PSD3: variants seen among roughly 807,000 people sequenced by gnomAD.
PSD3 encodes the protein PH and SEC7 domain-containing protein 3.
In PSD3, 49 loss-of-function variants were observed where a neutral mutation model predicts 105.5. That is an observed-to-expected ratio of 0.46 (90% CI 0.37 to 0.59). The LOEUF is 0.59. PSD3 is among the 20% of genes least tolerant of loss of function. The pLI, the probability that PSD3 is intolerant of heterozygous loss-of-function variation, is 0.00. For missense variants in PSD3, 1,561 were observed against 1,263.8 expected (o/e 1.24, Z -3.57); for synonymous variants, 557 against 457.8 (o/e 1.22, Z -2.77).
intron 12 of PSD3, among the ~76,000 whole-genome samples, chr8:18,592,439 G>A (rs373529120): frequency 2.5e-4 from 38 of 152,026 alleles, no homozygotes; most frequent in African/African-American, 8.9e-4. Context: ...GAAGAAAGAG[G>A]GCACAAAGCT....
chr8:18,749,122 T>C (rs1230502217), intron 9 of PSD3, among the ~76,000 whole-genome samples: 1 of 152,248 alleles, frequency 6.6e-6, no homozygotes. Context: ...TTCCTCTTAT[T>C]TCTACTTTGA....
intron 2 of PSD3, among the ~76,000 whole-genome samples, chr8:18,897,549 G>C (rs1347129800): frequency 6.6e-6 from 1 of 152,108 alleles, no homozygotes; most frequent in Non-Finnish European, 1.5e-5. Context: ...AATGACACTG[G>C]TACTTTGATA....
chr8:18,552,899 G>T (rs1024239490), intron 15 of PSD3, among the ~76,000 whole-genome samples: 3 of 152,092 alleles, frequency 2.0e-5, no homozygotes, highest in African/African-American at 7.2e-5. Flanking sequence ...AAGTAAAAGT[G>T]AACCTCTTTT....
chr8:18,620,821 A>G (rs1053684962), intron 11 of PSD3, among the ~76,000 whole-genome samples: 5 of 152,240 alleles, frequency 3.3e-5, no homozygotes, highest in African/African-American at 4.8e-5. Flanking sequence ...CCTTTAGGAA[A>G]CTAGTACGGT....
intron 1 of PSD3, among the ~76,000 whole-genome samples, chr8:19,050,119 G>C (rs1828468154): frequency 6.6e-6 from 1 of 152,162 alleles, no homozygotes; most frequent in African/African-American, 2.4e-5. Flanking sequence ...AGGTCAAGGA[G>C]GCCATGTCAG....
At chr8:18,932,254 C>A (rs1019766347) in intron 2 of PSD3, among the ~76,000 whole-genome samples, 1 of 152,170 alleles carries the variant, frequency 6.6e-6, no homozygotes, top group East Asian at 1.9e-4. Flanking sequence ...AGGCACCTGT[C>A]GTAGGCTGGG....
At chr8:18,887,155 T>C (rs889040765) in intron 2 of PSD3, 31 of 152,174 alleles carry the variant, frequency 2.0e-4, no homozygotes, top group Admixed American at 1.7e-3. Context: ...GAATGACACA[T>C]GGGAAAGAGA....
At chr8:18,930,867 CTTCAACTG>C (rs776107078) in intron 2 of PSD3, among the ~76,000 whole-genome samples, 20 of 152,158 alleles carry the variant, frequency 1.3e-4, no homozygotes, top group Non-Finnish European at 2.4e-4. Flanking sequence ...TGCGCCTGGC[CTTCAACTG>C]TTTTTAAATA....
intron 4 of PSD3, among the ~76,000 whole-genome samples, chr8:18,819,846 G>C (rs2632835): frequency 0.47 from 72,060 of 151,942 alleles, 17,469 homozygotes; most frequent in East Asian, 0.84. Context: ...CAAAGTGCTG[G>C]GTTTACAGGC....
chr8:18,760,469 T>C (rs1806425705), intron 9 of PSD3, among the ~76,000 whole-genome samples: 2 of 152,024 alleles, frequency 1.3e-5, no homozygotes, highest in African/African-American at 2.4e-5. Flanking sequence ...CTTTTTTAGA[T>C]TCCACTGTAA....
intron 1 of PSD3, chr8:18,979,503 C>A (rs1223646623): frequency 6.6e-6 from 1 of 152,174 alleles, no homozygotes; most frequent in South Asian, 2.1e-4. Context: ...GCCCACAGTT[C>A]TTCCAAGGAA....
At chr8:18,920,582 G>A (rs1586428336) in intron 2 of PSD3, among the ~76,000 whole-genome samples, 1 of 152,214 alleles carries the variant, frequency 6.6e-6, no homozygotes, top group East Asian at 1.9e-4. Flanking sequence ...GGTAGTTACA[G>A]TCCTAGAAAA....
At position 19,026,220 on chromosome 8, in the gene PSD3, C is replaced by T. The variant is rs922077515; in HGVS notation, c.324+57986G>A. Among the ~76,000 whole-genome samples, 6 of 152,094 alleles carry T rather than the reference C, an allele frequency of 3.9e-5. 1 individual carries two copies. Among genetic ancestry groups the T allele is most frequent in the South Asian group, 4.1e-4 (2 of 4,820 alleles). Reference sequence around the variant, plus strand: ...TCAAGATGAGATGAGGTTTGGGTGGCGACACAGCCAAACCATATCCCATAG... The same window carrying T: ...TCAAGATGAGATGAGGTTTGGGTGGTGACACAGCCAAACCATATCCCATAG... On this transcript the variant is annotated intron_variant, in intron 1 of 1. Transcript: ENST00000521475.
chr8:18,851,891 T>C (rs1815605668), intron 4 of PSD3, among the ~76,000 whole-genome samples: 1 of 152,194 alleles, frequency 6.6e-6, no homozygotes, highest in Non-Finnish European at 1.5e-5. Flanking sequence ...TGGCATTGTA[T>C]TCCTTTCATA....
At chr8:18,689,413 A>C (rs1238338755) in intron 9 of PSD3, among the ~76,000 whole-genome samples, 1 of 152,170 alleles carries the variant, frequency 6.6e-6, no homozygotes, top group Non-Finnish European at 1.5e-5. Flanking sequence ...TCACAGAACC[A>C]TTAGTAGAAG....
intron 1 of PSD3, among the ~76,000 whole-genome samples, chr8:19,006,702 C>T (rs555126441): frequency 2.1e-4 from 32 of 152,162 alleles, no homozygotes; most frequent in Non-Finnish European, 4.1e-4. Flanking sequence ...TTATTTCTAA[C>T]CACTGGACAC....
At chr8:18,551,663 G>A (rs1002023317) in intron 15 of PSD3, among the ~76,000 whole-genome samples, 3 of 152,118 alleles carry the variant, frequency 2.0e-5, no homozygotes, top group South Asian at 2.1e-4. Context: ...ACTCTGGGTC[G>A]CAATTCAGGA....
chr8:18,721,936 G>C (rs1482693515), intron 9 of PSD3, among the ~76,000 whole-genome samples: 1 of 152,098 alleles, frequency 6.6e-6, no homozygotes, highest in Non-Finnish European at 1.5e-5. Context: ...CCATTTTTAA[G>C]TAGGTCACAC....
At chr8:18,809,298 C>T (rs1811485821) in intron 4 of PSD3, among the ~76,000 whole-genome samples, 1 of 152,098 alleles carries the variant, frequency 6.6e-6, no homozygotes, top group African/African-American at 2.4e-5. Flanking sequence ...AAGAGACTTC[C>T]CAAAAGGTTC....
Sources: allele counts gnomAD v4.1 joint callset (sites outside exome capture counted in the v4.1 genomes callset), GRCh38; gene constraint gnomAD v4.1.1; transcripts MANE v1.5; gene names NCBI Gene and HGNC (gene_info 2026-07-23, HGNC 2026-07-21).